ZBTB4: variants seen among roughly 807,000 people sequenced by gnomAD.
ZBTB4 encodes zinc finger and BTB domain containing 4.
A neutral mutation model predicts 59.8 loss-of-function variants in ZBTB4; 14 were observed. The ratio of observed to expected loss-of-function variants is 0.23; its 90% CI spans 0.15 to 0.37. ZBTB4 has a LOEUF of 0.37. Ranked by LOEUF, ZBTB4 falls within the 10% of genes least tolerant of loss-of-function variation. The pLI, the probability that ZBTB4 is intolerant of heterozygous loss-of-function variation, is 1.00. For missense variants in ZBTB4, 1,198 were observed against 1,380.8 expected (o/e 0.87, Z 2.10); for synonymous variants, 587 against 575.2 (o/e 1.02, Z -0.29).
intron 1 of ZBTB4, among the ~76,000 whole-genome samples, chr17:7,476,931 A>C (rs2070276485): frequency 1.3e-5 from 2 of 152,190 alleles, no homozygotes; most frequent in Admixed American, 1.3e-4. Context: ...AGAGCACAAG[A>C]TCTTCAACCT....
At chr17:7,475,958 A>T (rs1299204010) in intron 1 of ZBTB4, among the ~76,000 whole-genome samples, 1 of 152,200 alleles carries the variant, frequency 6.6e-6, no homozygotes, top group Non-Finnish European at 1.5e-5. Context: ...TCACGTGCTA[A>T]GTGCTAAATG....
intron 1 of ZBTB4, among the ~76,000 whole-genome samples, chr17:7,475,733 C>T (rs371149744): frequency 2.6e-5 from 4 of 152,140 alleles, no homozygotes; most frequent in Non-Finnish European, 5.9e-5. Context: ...CCACTGCGCC[C>T]GGCCATATTA....
chr17:7,468,456 C>T (rs536323841), intron 1 of ZBTB4, among the ~76,000 whole-genome samples: 16 of 152,294 alleles, frequency 1.1e-4, no homozygotes, highest in South Asian at 6.2e-4. Flanking sequence ...GAAAGCACCG[C>T]GCAGCCACCT....
At position 7,462,760 on chromosome 17, in the gene ZBTB4, A is replaced by G; in HGVS notation, c.2222T>C (p.Leu741Pro). Residue 741 changes from leucine to proline, a missense_variant, in exon 4 of 4, where the codon CTG becomes CCG. Coordinates refer to ENST00000380599, the MANE Select transcript of ZBTB4 (RefSeq NM_001128833.2). This position sits in a 1 kb window ranked among gnomAD's most constrained non-coding sequence, Gnocchi z 7.5. ...CAQTFTTLRK[L>P]RKHQEAHGGG... is the part of the protein sequence containing the mutation. ...ACCGTGGGCCTCTTGGTGCTTCCGC[A>G]GCTTTCTCAGGGTGGTGAAGGTCTG... 2 of 1,602,886 alleles carry G rather than the reference A, an allele frequency of 1.2e-6. No individual in the cohort carries two copies. Among genetic ancestry groups the G allele is most frequent in the South Asian group, 1.1e-5 (1 of 91,082 alleles).
chr17:7,478,096 T>A (rs2070293966), intron 1 of ZBTB4, among the ~76,000 whole-genome samples: 1 of 152,048 alleles, frequency 6.6e-6, no homozygotes, highest in Admixed American at 6.6e-5. Flanking sequence ...GCGGCTGGCC[T>A]CTTGGGTCTG....
upstream of ZBTB4, chr17:7,482,951 A>G (rs1164403251): frequency 1.2e-6 from 2 of 1,611,868 alleles, no homozygotes; most frequent in Non-Finnish European, 1.7e-6. Flanking sequence ...CATTGCCATC[A>G]TCACAGCCTG....
chr17:7,472,634 C>CT (rs71157290), intron 1 of ZBTB4, among the ~76,000 whole-genome samples: 49,771 of 72,928 alleles, frequency 0.68, 19,469 homozygotes, highest in East Asian at 0.86. Context: ...CCTGGCCATT[C>CT]TTTTTTTTTT....
chr17:7,482,181 A>T, upstream of ZBTB4: 2 of 1,613,894 alleles, frequency 1.2e-6, no homozygotes, highest in Non-Finnish European at 8.5e-7. Context: ...CAGGCTTCCA[A>T]CCTGCCCTCG....
intron 1 of ZBTB4, among the ~76,000 whole-genome samples, chr17:7,478,707 C>A (rs1252926921): frequency 2.0e-5 from 3 of 152,244 alleles, no homozygotes; most frequent in African/African-American, 7.2e-5. Context: ...ACAAACTCTG[C>A]ACCCAGCATG....
intron 3 of ZBTB4, among the ~76,000 whole-genome samples, chr17:7,464,109 A>G (rs1201354508): frequency 1.6e-4 from 24 of 152,204 alleles, no homozygotes; most frequent in Non-Finnish European, 1.8e-4. Context: ...TCTGGGACGC[A>G]GCCTAACTCA....
chr17:7,482,234 G>A (rs1478932887), upstream of ZBTB4: 2 of 1,613,808 alleles, frequency 1.2e-6, no homozygotes, highest in African/African-American at 1.3e-5. Context: ...CCTCCCTATT[G>A]CCCTGCTACT....
At chr17:7,483,022 G>T, upstream of ZBTB4, 1 of 1,611,960 alleles carries the variant, frequency 6.2e-7, no homozygotes, top group East Asian at 2.2e-5. Context: ...GGGAGCCCGG[G>T]GGTTGGGAGG....
intron 1 of ZBTB4, among the ~76,000 whole-genome samples, chr17:7,469,498 C>T (rs2070170019): frequency 6.6e-6 from 1 of 150,782 alleles, no homozygotes; most frequent in African/African-American, 2.4e-5. Flanking sequence ...CACGGTGGCT[C>T]ATGCCCGTAA....
rs140340146 is a variant in ZBTB4, at chr17:7,466,643, G to A, written c.159C>T (p.Pro53=). 8.4e-3 allele frequency: 13,503 copies of A among 1,613,864 alleles called. 88 individuals carry two copies. Among genetic ancestry groups the A allele is most frequent in the Non-Finnish European group, 9.9e-3 (11,675 of 1,179,946 alleles). Reference sequence around the variant, plus strand: ...AAGTGAGCAGGGCCTCTCTGAAGAAGGGACTTGAAGCAGCCAGGACGCTGC... The same window carrying A: ...AAGTGAGCAGGGCCTCTCTGAAGAAAGGACTTGAAGCAGCCAGGACGCTGC... ...AHRSVLAASS[P]FFREALLTSA... is the part of the protein sequence containing the mutation. The change falls in exon 3 of 4, where the codon CCC becomes CCT. Residue 53 remains proline, a synonymous_variant. Transcript: ENST00000380599. The surrounding 1 kb of genome is among the most constrained non-coding windows in gnomAD (Gnocchi z 9.1).
intron 3 of ZBTB4, among the ~76,000 whole-genome samples, chr17:7,465,229 C>A (rs1044322011): frequency 2.0e-5 from 3 of 150,522 alleles, no homozygotes; most frequent in African/African-American, 4.9e-5. Flanking sequence ...GAGGCCAAGG[C>A]GGGCAGATCA....
chr17:7,481,930 G>A (rs956672323), upstream of ZBTB4: 23 of 1,542,286 alleles, frequency 1.5e-5, no homozygotes, highest in Non-Finnish European at 1.9e-5. Context: ...CATCTGCCCT[G>A]CCCCAGGTCG....
At chr17:7,465,655 C>A in intron 3 of ZBTB4, 56 bp downstream of exon 3, 1 of 1,540,866 alleles carries the variant, frequency 6.5e-7, no homozygotes, top group South Asian at 1.3e-5. Context: ...GCCCTTGTTC[C>A]TATGACCGCT....
chr17:7,462,334 C>G lies in ZBTB4; in HGVS notation c.2648G>C (p.Gly883Ala). 1 of 1,613,926 alleles carries G rather than the reference C, an allele frequency of 6.2e-7. No homozygotes were observed. The highest frequency in any genetic ancestry group is 1.7e-5 in the Admixed American group (1 of 59,998). Residue 883 changes from glycine to alanine, a missense_variant, in exon 4 of 4, where the codon GGC becomes GCC. Physicochemically the swap from Gly to Ala is moderately conservative, Grantham distance 60. Transcript: ENST00000380599. The surrounding 1 kb of genome is among the most constrained non-coding windows in gnomAD (Gnocchi z 7.5). ...QEFPLALIGG[G>A]REPGGGRGKS... ...TCCCCTGCCACCGCCAGGTTCCCGG[C>G]CGCCCCCAATCAAGGCCAGTGGAAA...
intron 3 of ZBTB4, among the ~76,000 whole-genome samples, chr17:7,465,097 A>G (rs1026456707): frequency 6.8e-6 from 1 of 147,496 alleles, no homozygotes; most frequent in African/African-American, 2.5e-5. Flanking sequence ...TGGAGCTTGC[A>G]GTGAGCCGAG....
Sources: gnomAD v4.1 joint callset for allele counts (sites outside exome capture counted in the v4.1 genomes callset) on GRCh38, gnomAD v4.1.1 for gene constraint, Gnocchi (gnomAD v3.1) non-coding constraint, MANE v1.5 for transcripts, NCBI Gene and HGNC (gene_info 2026-07-23, HGNC 2026-07-21) for gene names.